Variants in SUGCT observed in about 807,000 individuals in gnomAD.
SUGCT encodes the protein succinyl-CoA:glutarate CoA-transferase.
In SUGCT, 41 loss-of-function variants were observed where a neutral mutation model predicts 55.0. That is an observed-to-expected ratio of 0.74 (90% CI 0.58 to 0.97). The LOEUF (loss-of-function observed/expected upper bound fraction) is 0.97, where lower values mean the gene tolerates loss of function less well. SUGCT is among the 50% of genes least tolerant of loss of function. SUGCT has a pLI of 0.00. For missense variants in SUGCT, 568 were observed against 547.8 expected, an observed-to-expected ratio of 1.04 and a Z score of -0.37; for synonymous variants, 187 against 200.4, an observed-to-expected ratio of 0.93 and a Z score of 0.56.
intron 12 of SUGCT, among the ~76,000 whole-genome samples, chr7:40,534,839 G>A (rs915983882): frequency 1.3e-5 from 2 of 151,958 alleles, no homozygotes; most frequent in Non-Finnish European, 2.9e-5. Flanking sequence ...AAATGTTTTC[G>A]ACTATAAGTT....
intron 12 of SUGCT, chr7:40,684,189 T>A: frequency 1.3e-6 from 2 of 1,521,486 alleles, no homozygotes; most frequent in Non-Finnish European, 1.8e-6. Flanking sequence ...GAAAGGATAA[T>A]CCAGGATAAT....
intron 7 of SUGCT, among the ~76,000 whole-genome samples, chr7:40,253,890 C>T (rs1790617030): frequency 6.6e-6 from 1 of 152,186 alleles, no homozygotes; most frequent in African/African-American, 2.4e-5. Flanking sequence ...AGAAAATAAA[C>T]AAGCATGTTT....
At chr7:40,672,054 AC>A (rs1801966188) in intron 12 of SUGCT, among the ~76,000 whole-genome samples, 1 of 152,222 alleles carries the variant, frequency 6.6e-6, no homozygotes, top group South Asian at 2.1e-4. Flanking sequence ...TTGATTTTTG[AC>A]AAAGGTGCAA....
At chr7:40,520,952 C>G (rs1479639780) in intron 12 of SUGCT, among the ~76,000 whole-genome samples, 1 of 152,072 alleles carries the variant, frequency 6.6e-6, no homozygotes, top group Admixed American at 6.6e-5. Flanking sequence ...AATATTTCAA[C>G]TCAAAACTAG....
In SUGCT at chr7:40,344,003, C is replaced by T. The variant is rs571681770; in HGVS notation, c.816+27148C>T. Among the ~76,000 whole-genome samples, 175 of 152,298 alleles carry T rather than the reference C, an allele frequency of 1.1e-3. 1 individual carries two copies. Among genetic ancestry groups the T allele is most frequent in the African/African-American group, 4.0e-3 (168 of 41,574 alleles). Reference sequence around the variant, plus strand: ...ACTGCCTTCCATGCAAACCTTAGACCTGTTCCCAGGAGGTTGCGTATTGGA... The same window carrying T: ...ACTGCCTTCCATGCAAACCTTAGACTTGTTCCCAGGAGGTTGCGTATTGGA... On this transcript the variant is annotated intron_variant, in intron 9 of 13. Coordinates refer to ENST00000335693, the MANE Select transcript of SUGCT (RefSeq NM_001193313.2).
intron 9 of SUGCT, among the ~76,000 whole-genome samples, chr7:40,368,279 C>CGCA (rs758964263): frequency 7.4e-4 from 113 of 152,170 alleles, no homozygotes; most frequent in Non-Finnish European, 2.9e-5. Context: ...CTCACTGCAA[C>CGCA]CTCTGCCTCC....
Position 40,482,452 on chromosome 7 carries a change from G to T in SUGCT, c.987-13832G>T, listed in dbSNP as rs527345944. ...ACCAAAATTATTTCTATGTGGTAAG[G>T]TTATAGTTGATTTTATTTCTTCTTT... On this transcript the variant is annotated intron_variant, in intron 11 of 13. Coordinates refer to ENST00000335693, the MANE Select transcript of SUGCT (RefSeq NM_001193313.2). 2.2e-4 allele frequency among the ~76,000 whole-genome samples: 34 copies of T among 152,142 alleles called. 1 individual carries two copies. Among genetic ancestry groups the T allele is most frequent in the Admixed American group, 2.1e-3 (32 of 15,268 alleles).
intron 6 of SUGCT, among the ~76,000 whole-genome samples, chr7:40,224,607 T>G (rs1788225236): frequency 6.6e-6 from 1 of 152,216 alleles, no homozygotes; most frequent in Non-Finnish European, 1.5e-5. Context: ...AGTATCTTGA[T>G]TCCTAGCTCC....
At chr7:40,639,333 A>T in intron 12 of SUGCT, among the ~76,000 whole-genome samples, 1 of 152,212 alleles carries the variant, frequency 6.6e-6, no homozygotes, top group East Asian at 1.9e-4. Flanking sequence ...CAAAAGAGGA[A>T]GTATAACACA....
At chr7:40,603,091 C>T (rs1192890599) in intron 12 of SUGCT, among the ~76,000 whole-genome samples, 1 of 152,190 alleles carries the variant, frequency 6.6e-6, no homozygotes, top group Non-Finnish European at 1.5e-5. Context: ...TCTTCACTTA[C>T]AGTTATCCTC....
intron 12 of SUGCT, among the ~76,000 whole-genome samples, chr7:40,616,529 G>C (rs1367909606): frequency 6.6e-6 from 1 of 152,238 alleles, no homozygotes; most frequent in Non-Finnish European, 1.5e-5. Flanking sequence ...TAAAGCTAAA[G>C]TGGTTTGCCC....
At chr7:40,969,031 C>T in the SUGCT span, among the ~76,000 whole-genome samples, 5 of 152,322 alleles carry the variant, frequency 3.3e-5, no homozygotes, top group South Asian at 2.1e-4. Flanking sequence ...GCCGGCCCCA[C>T]GAGGCCAACT....
intron 6 of SUGCT, among the ~76,000 whole-genome samples, chr7:40,218,658 T>C (rs953234081): frequency 1.3e-5 from 2 of 151,716 alleles, no homozygotes; most frequent in Non-Finnish European, 2.9e-5. Flanking sequence ...ATAACTTTTC[T>C]GTCTAGCTAG....
chr7:40,362,217 G>C (rs550958700), intron 9 of SUGCT, among the ~76,000 whole-genome samples: 4 of 152,124 alleles, frequency 2.6e-5, no homozygotes, highest in African/African-American at 9.6e-5. Flanking sequence ...TCAGGAGTTC[G>C]AGACCAGCCT....
At chr7:40,367,391 C>A (rs1156423650) in intron 9 of SUGCT, among the ~76,000 whole-genome samples, 10 of 150,762 alleles carry the variant, frequency 6.6e-5, no homozygotes, top group South Asian at 2.1e-4. Flanking sequence ...CATTTTGCAC[C>A]TATACCCTAA....
rs557517485 is a variant in SUGCT, at chr7:40,530,418, ATAC to A, written c.1089+34037_1089+34039del. On this transcript the variant is annotated intron_variant, in intron 12 of 13. Coordinates refer to ENST00000335693, the MANE Select transcript of SUGCT (RefSeq NM_001193313.2). Reference sequence around the variant, plus strand: ...GCAGGAAGTGTATAAAAGCCTTCAAATACTACTGCTAACCAATTGAGTTCAGTG... The same window carrying A: ...GCAGGAAGTGTATAAAAGCCTTCAAATACTGCTAACCAATTGAGTTCAGTG... Among the ~76,000 whole-genome samples the A allele has an allele frequency of 9.0e-4, 137 of 152,338 alleles. 1 individual carries two copies. Among genetic ancestry groups the A allele is most frequent in the African/African-American group, 3.0e-3 (126 of 41,574 alleles).
chr7:40,206,297 A>T (rs1451881322), intron 6 of SUGCT, among the ~76,000 whole-genome samples: 1 of 152,222 alleles, frequency 6.6e-6, no homozygotes, highest in Non-Finnish European at 1.5e-5. Flanking sequence ...TAGTGTTTAG[A>T]TAGCATTCAT....
rs1562612096 is a variant in SUGCT at position 40,249,329 on chromosome 7, A to ATC, written c.576+11604_576+11605insCT. On this transcript the variant is annotated intron_variant, in intron 7 of 13. Coordinates refer to ENST00000335693, the MANE Select transcript of SUGCT (RefSeq NM_001193313.2). ...ACCAAAAAGCTATATATATATATATATATATATATATATATATAATTATAT... is the reference window on the plus strand; with the variant it reads ...ACCAAAAAGCTATATATATATATATATCTATATATATATATATATAATTATAT... 4.2e-5 allele frequency among the ~76,000 whole-genome samples: 5 copies of ATC among 118,598 alleles called. No individual in the cohort carries two copies. In the South Asian group the frequency reaches 7.2e-4, roughly 17 times the overall value. 77.8% of individuals were successfully genotyped at this position (118,598 alleles called of 152,430 possible). A position where few individuals can be genotyped will look rare whatever the true frequency, so the allele number is the denominator to read the frequency against.
At position 40,487,845 on chromosome 7, in the gene SUGCT, G is replaced by A. The variant is rs190941764; in HGVS notation, c.987-8439G>A. Among the ~76,000 whole-genome samples the A allele has an allele frequency of 2.9e-3, 436 of 152,034 alleles. 2 individuals carry two copies. The highest frequency in any genetic ancestry group is 9.7e-3 in the African/African-American group (401 of 41,486). On this transcript the variant is annotated intron_variant, in intron 11 of 13. Coordinates refer to ENST00000335693, the MANE Select transcript of SUGCT (RefSeq NM_001193313.2). The stretch of plus-strand genomic sequence containing the variant: ...AACTCTTGCTTTCTTTCGGTTTTCA[G>A]TTGTGTGCAATATATTTTTCCATTC...
Sources: allele counts gnomAD v4.1 joint callset (sites outside exome capture counted in the v4.1 genomes callset), GRCh38; gene constraint gnomAD v4.1.1; transcripts MANE v1.5; gene names NCBI Gene and HGNC (gene_info 2026-07-23, HGNC 2026-07-21).